BMP8B: variants seen among roughly 807,000 people sequenced by gnomAD.
BMP8B encodes bone morphogenetic protein 8 (osteogenic protein 2).
Under a neutral mutation model 30.3 loss-of-function variants are expected in BMP8B, and 17 were observed. The observed-to-expected ratio is 0.56, with a 90% CI of 0.38 to 0.84. The LOEUF (loss-of-function observed/expected upper bound fraction) is 0.84, where lower values mean the gene tolerates loss of function less well. Ranked by LOEUF, BMP8B falls within the 40% of genes least tolerant of loss-of-function variation. BMP8B has a pLI of 0.00. For missense variants in BMP8B, 253 were observed against 494.6 expected, an observed-to-expected ratio of 0.51 and a Z score of 4.63; for synonymous variants, 131 against 214.7, an observed-to-expected ratio of 0.61 and a Z score of 3.41.
intron 5 of BMP8B, 173 bp downstream of exon 5, chr1:39,763,539 C>CA (rs113575841): frequency 0.031 from 26,908 of 867,616 alleles, 40 homozygotes; most frequent in South Asian, 0.036. Flanking sequence ...AAAAACTGAA[C>CA]AAAAAAAAAA....
At position 39,785,855 on chromosome 1, in the gene BMP8B, TCTAA is replaced by T. The variant is rs1569868782; in HGVS notation, c.334+2293_334+2296del. Among the ~76,000 whole-genome samples, 3 of 152,110 alleles carry T rather than the reference TCTAA, an allele frequency of 2.0e-5. No homozygotes were observed. The East Asian group carries it at 5.8e-4, about 29-fold the overall frequency. On this transcript the variant is annotated intron_variant, in intron 1 of 6. Coordinates refer to ENST00000372827, the MANE Select transcript of BMP8B (RefSeq NM_001720.5). ...CTCAGTAATTACCAGTTAAAGCTAC[TCTAA>T]CTGAGAGAGTTCTACTAGTGCAGTT...
intron 1 of BMP8B, among the ~76,000 whole-genome samples, chr1:39,785,482 C>G (rs1016173234): frequency 3.3e-5 from 5 of 152,204 alleles, no homozygotes; most frequent in Admixed American, 3.3e-4. Flanking sequence ...CTGCTCTGCA[C>G]GGAGACCTGA....
At position 39,763,175 on chromosome 1, in the gene BMP8B, A is replaced by T. The variant is rs780190321; in HGVS notation, c.976T>A (p.Ser326Thr). 6.2e-7 allele frequency: 1 copy of T among 1,613,808 alleles called. No individual in the cohort carries two copies. Among genetic ancestry groups the T allele is most frequent in the Non-Finnish European group, 8.5e-7 (1 of 1,179,906 alleles). The stretch of plus-strand genomic sequence containing the variant: ...CACTCCCCCTCACAGTAATAGGCCG[A>T]GTAGCCTTGGGGAGCGATGACCCAG... ...LDWVIAPQGY[S>T]AYYCEGECSF... Residue 326 changes from serine to threonine, a missense_variant, in exon 6 of 7, where the codon TCG becomes ACG. By Grantham distance (58) the Ser-to-Thr change is moderately conservative. Coordinates refer to ENST00000372827, the MANE Select transcript of BMP8B (RefSeq NM_001720.5).
chr1:39,782,943 G>A (rs1369143728), intron 1 of BMP8B, among the ~76,000 whole-genome samples: 1 of 151,612 alleles, frequency 6.6e-6, no homozygotes, highest in East Asian at 1.9e-4. Flanking sequence ...ACAGTCCCGC[G>A]CCACCATGCC....
At chr1:39,779,256 C>T (rs375418347) in intron 1 of BMP8B, among the ~76,000 whole-genome samples, 15 of 152,194 alleles carry the variant, frequency 9.9e-5, no homozygotes, top group African/African-American at 3.1e-4. Context: ...CACCCATTGT[C>T]GGCCCGCACA....
At chr1:39,767,222 C>T (rs1252841047) in intron 3 of BMP8B, among the ~76,000 whole-genome samples, 1 of 152,160 alleles carries the variant, frequency 6.6e-6, no homozygotes, top group African/African-American at 2.4e-5. Flanking sequence ...CCAGGCGAGC[C>T]TGACTAGGGA....
chr1:39,762,764 G>A, intron 6 of BMP8B: 1 of 1,350,380 alleles, frequency 7.4e-7, no homozygotes, highest in Middle Eastern at 2.6e-4. Context: ...CCCACACAGT[G>A]TACACATCTG....
intron 1 of BMP8B, among the ~76,000 whole-genome samples, chr1:39,778,894 C>T (rs1418875237): frequency 6.6e-6 from 1 of 152,114 alleles, no homozygotes; most frequent in Non-Finnish European, 1.5e-5. Context: ...TGCCTCAGCC[C>T]GGAAGAGCCC....
intron 1 of BMP8B, among the ~76,000 whole-genome samples, chr1:39,780,013 A>G (rs1650517235): frequency 6.6e-6 from 1 of 152,184 alleles, no homozygotes; most frequent in South Asian, 2.1e-4. Context: ...CGCTGTCTTT[A>G]GCTGCTCACC....
Position 39,788,224 on chromosome 1 carries a change from C to G in BMP8B, c.262G>C (p.Asp88His), listed in dbSNP as rs767018419. 30 of 1,570,562 alleles carry G rather than the reference C, an allele frequency of 1.9e-5. No individual in the cohort carries two copies. Among genetic ancestry groups the G allele is most frequent in the Non-Finnish European group, 2.5e-5 (29 of 1,168,044 alleles). ...LDLYHAMAGD[D>H]DEDGAPAERR... is the part of the protein sequence containing the mutation. ...TCCGCGGGCGCGCCGTCCTCGTCGT[C>G]GTCGCCGGCCATGGCGTGGTACAGG... The change falls in exon 1 of 7, where the codon GAC (aspartate) becomes CAC (histidine). Residue 88 changes from aspartate to histidine, a missense_variant. Around this residue, in one of 7 missense-constraint regions of BMP8B, gnomAD observed 52 missense variants for 68.3 expected, o/e 0.76. Transcript: ENST00000372827. This position sits in a 1 kb window ranked among gnomAD's most constrained non-coding sequence, Gnocchi z 5.8.
In BMP8B at chr1:39,788,727, C is replaced by G. The variant is rs1230317250; in HGVS notation, c.-242G>C. ...CGCCACCGCCTCGAGGCCGGGGCTA[C>G]TCTGCGGACTGGGACTCTCGGCCAA... is the stretch of plus-strand genomic sequence containing the variant. On this transcript the variant is annotated 5_prime_UTR_variant, in exon 1 of 7. Coordinates refer to ENST00000372827, the MANE Select transcript of BMP8B (RefSeq NM_001720.5). The surrounding 1 kb of genome is among the most constrained non-coding windows in gnomAD (Gnocchi z 5.8). 5.5e-6 allele frequency: 1 copy of G among 183,394 alleles called. No individual in the cohort carries two copies. Among genetic ancestry groups the G allele is most frequent in the Non-Finnish European group, 1.0e-5 (1 of 96,782 alleles). 11.4% of individuals were successfully genotyped at this position (183,394 alleles called of 1,614,324 possible). A position where few individuals can be genotyped will look rare whatever the true frequency, so the allele number is the denominator to read the frequency against.
chr1:39,785,877 G>C (rs1357772228), intron 1 of BMP8B, among the ~76,000 whole-genome samples: 1 of 152,190 alleles, frequency 6.6e-6, no homozygotes, highest in Non-Finnish European at 1.5e-5. Flanking sequence ...AGTTCTACTA[G>C]TGCAGTTAGC....
intron 6 of BMP8B, among the ~76,000 whole-genome samples, chr1:39,761,675 A>C (rs1324002883): frequency 2.6e-5 from 4 of 151,836 alleles, no homozygotes; most frequent in Non-Finnish European, 5.9e-5. Context: ...TGCCAAGCTC[A>C]CTGCTGTCTT....
rs1648721444 is a variant in BMP8B at position 39,760,012 on chromosome 1, G to C, written c.*407C>G. ...ACCACACCCTGTGATGGATGGTGAA[G>C]AGCTCAAGGTGGCCAACAGTGGGCT... On this transcript the variant is annotated 3_prime_UTR_variant, in exon 7 of 7. Transcript: ENST00000372827. The C allele has an allele frequency of 4.3e-6, 1 of 232,764 alleles. No individual in the cohort carries two copies. Among genetic ancestry groups the C allele is most frequent in the Non-Finnish European group, 8.6e-6 (1 of 116,796 alleles). The allele number at this position is 232,764 out of a possible 1,614,324, so 14.4% of individuals were successfully genotyped here.
chr1:39,761,232 C>A (rs2124414602), intron 6 of BMP8B: 1 of 152,810 alleles, frequency 6.5e-6, no homozygotes, highest in Admixed American at 6.5e-5. Flanking sequence ...TTCCTCCCGC[C>A]CTGACATCAT....
chr1:39,758,612 T>A lies in BMP8B; in HGVS notation c.*1807A>T, dbSNP rs955911613. On this transcript the variant is annotated 3_prime_UTR_variant, in exon 7 of 7. Transcript: ENST00000372827. Reference sequence around the variant, plus strand: ...TTATGAGGCTGCTTCTGGCTCACTATGAGGAGTTGGTAGACAGATTCTTTG... The same window carrying A: ...TTATGAGGCTGCTTCTGGCTCACTAAGAGGAGTTGGTAGACAGATTCTTTG... 2 of 152,238 alleles carry A rather than the reference T, an allele frequency of 1.3e-5. No individual in the cohort carries two copies. Among genetic ancestry groups the A allele is most frequent in the African/African-American group, 4.8e-5 (2 of 41,452 alleles). 9.4% of individuals were successfully genotyped at this position (152,238 alleles called of 1,614,324 possible).
intron 1 of BMP8B, among the ~76,000 whole-genome samples, chr1:39,786,379 C>T (rs1650980315): frequency 6.6e-6 from 1 of 152,226 alleles, no homozygotes; most frequent in Non-Finnish European, 1.5e-5. Flanking sequence ...AGGCTTTCTA[C>T]TCCTGCCCCT....
At chr1:39,776,573 C>A (rs1650246688) in intron 1 of BMP8B, among the ~76,000 whole-genome samples, 1 of 152,074 alleles carries the variant, frequency 6.6e-6, no homozygotes, top group East Asian at 1.9e-4. Context: ...AGGCGAACAG[C>A]TGTGCGGGGC....
rs1368716407 is a variant in BMP8B at position 39,758,660 on chromosome 1, A to T, written c.*1759T>A. Reference sequence around the variant, plus strand: ...TTGGCTGAAGGTTGTTTGGAGATCAAAAAGTGCAGATAGAAAATGGAGGCG... The same window carrying T: ...TTGGCTGAAGGTTGTTTGGAGATCATAAAGTGCAGATAGAAAATGGAGGCG... On this transcript the variant is annotated 3_prime_UTR_variant, in exon 7 of 7. Transcript: ENST00000372827. 1 of 152,322 alleles carries T rather than the reference A, an allele frequency of 6.6e-6. No individual in the cohort carries two copies. Among genetic ancestry groups the T allele is most frequent in the Non-Finnish European group, 1.5e-5 (1 of 68,100 alleles). The allele number at this position is 152,322 out of a possible 1,614,324, so 9.4% of individuals were successfully genotyped here.
Sources: gnomAD v4.1 joint callset for allele counts (sites outside exome capture counted in the v4.1 genomes callset) on GRCh38, gnomAD v4.1.1 for gene constraint, gnomAD v4.1.1 regional missense constraint, Gnocchi (gnomAD v3.1) non-coding constraint, MANE v1.5 for transcripts, NCBI Gene and HGNC (gene_info 2026-07-23, HGNC 2026-07-21) for gene names.